Variants in FRMD4A observed in about 807,000 individuals in gnomAD.
FRMD4A encodes FERM domain containing 4A, also known as FERM domain-containing protein 4A.
Under a neutral mutation model 129.1 loss-of-function variants are expected in FRMD4A, and 29 were observed. That is an observed-to-expected ratio of 0.22 (90% CI 0.17 to 0.31). The LOEUF (loss-of-function observed/expected upper bound fraction) is 0.31, where lower values mean the gene tolerates loss of function less well. Among genes scored for constraint, FRMD4A ranks in the 10% least tolerant of loss-of-function variants. The probability of loss-of-function intolerance (pLI) is 1.00; values close to 1 mark genes in which losing one functional copy is unlikely to be tolerated. For missense variants in FRMD4A, 1,272 were observed against 1,375.8 expected (o/e 0.92, Z 1.19); for synonymous variants, 634 against 571.6 (o/e 1.11, Z -1.56).
In FRMD4A at chr10:13,685,599, C is replaced by G. The variant is rs933115673; in HGVS notation, c.1117+8299G>C. Reference sequence around the variant, plus strand: ...CTGTGCTCCCAGCAAAGGAGCACTGCAACAGAGGGCTGGCCCTAAATGGGA... The same window carrying G: ...CTGTGCTCCCAGCAAAGGAGCACTGGAACAGAGGGCTGGCCCTAAATGGGA... On this transcript the variant is annotated intron_variant, in intron 15 of 24. Coordinates refer to ENST00000357447, the MANE Select transcript of FRMD4A (RefSeq NM_018027.5). The G allele has an allele frequency of 3.1e-6, 3 of 983,162 alleles. No individual in the cohort carries two copies. The African/African-American group carries it at 5.2e-5, about 17-fold the overall frequency. 60.9% of individuals were successfully genotyped at this position (983,162 alleles called of 1,614,324 possible). A position where few individuals can be genotyped will look rare whatever the true frequency, so the allele number is the denominator to read the frequency against.
chr10:13,672,541 G>A (rs2134722034), intron 16 of FRMD4A, among the ~76,000 whole-genome samples: 1 of 152,172 alleles, frequency 6.6e-6, no homozygotes, highest in South Asian at 2.1e-4. Context: ...AAAAAATGAG[G>A]CTACTGATTT....
At chr10:13,918,267 C>G (rs2095032163) in intron 2 of FRMD4A, among the ~76,000 whole-genome samples, 1 of 152,158 alleles carries the variant, frequency 6.6e-6, no homozygotes, top group Non-Finnish European at 1.5e-5. Context: ...ACATACTAGG[C>G]TCAATACACC....
chr10:13,747,986 G>A (rs2091375860), intron 8 of FRMD4A, among the ~76,000 whole-genome samples, 167 bp from the exon 9 acceptor site: 2 of 152,190 alleles, frequency 1.3e-5, no homozygotes, highest in Admixed American at 1.3e-4. Flanking sequence ...AAATACAGAT[G>A]TAAACGAAGG....
intron 2 of FRMD4A, among the ~76,000 whole-genome samples, chr10:14,148,440 G>C (rs1187528192): frequency 6.6e-6 from 1 of 152,200 alleles, no homozygotes; most frequent in Non-Finnish European, 1.5e-5. Context: ...TAAGAATCAA[G>C]AGAAAAACCC....
chr10:13,668,755 G>T (rs551910480), intron 17 of FRMD4A, among the ~76,000 whole-genome samples: 1 of 152,136 alleles, frequency 6.6e-6, no homozygotes, highest in Non-Finnish European at 1.5e-5. Flanking sequence ...AAGCTTAAGG[G>T]CCAGGTATCT....
chr10:13,954,018 C>G (rs1342312075), intron 2 of FRMD4A, among the ~76,000 whole-genome samples: 1 of 152,220 alleles, frequency 6.6e-6, no homozygotes, highest in Non-Finnish European at 1.5e-5. Flanking sequence ...TATCCCTTCT[C>G]TACAAAAACA....
intron 2 of FRMD4A, among the ~76,000 whole-genome samples, chr10:14,169,726 A>G (rs1000439714): frequency 2.6e-5 from 4 of 152,178 alleles, no homozygotes; most frequent in Non-Finnish European, 1.5e-5. Flanking sequence ...ATATCAGCAA[A>G]CATTTCCTTG....
chr10:14,052,932 G>T (rs936561309), intron 2 of FRMD4A, among the ~76,000 whole-genome samples: 9 of 151,904 alleles, frequency 5.9e-5, no homozygotes, highest in African/African-American at 1.9e-4. Flanking sequence ...TTTACTGCAA[G>T]GAGGGTGCCA....
At chr10:14,278,043 C>G (rs1347209197) in intron 2 of FRMD4A, among the ~76,000 whole-genome samples, 1 of 152,206 alleles carries the variant, frequency 6.6e-6, no homozygotes, top group Non-Finnish European at 1.5e-5. Context: ...GCCCACCAAG[C>G]TCGCAACACA....
At chr10:14,054,874 C>T (rs12357800) in intron 2 of FRMD4A, among the ~76,000 whole-genome samples, 15,440 of 152,190 alleles carry the variant, frequency 0.1, 837 homozygotes, top group Non-Finnish European at 0.12. Context: ...CTTTTGCCTG[C>T]CACCATGTAA....
At chr10:13,975,220 T>C (rs568067993) in intron 2 of FRMD4A, among the ~76,000 whole-genome samples, 2 of 151,940 alleles carry the variant, frequency 1.3e-5, no homozygotes, top group Non-Finnish European at 2.9e-5. Flanking sequence ...TGTTAATGTG[T>C]GTGTGTATGT....
At position 13,970,644 on chromosome 10, in the gene FRMD4A, C is replaced by T. The variant is rs377561521; in HGVS notation, c.46-111732G>A. 3.9e-5 allele frequency among the ~76,000 whole-genome samples: 6 copies of T among 152,188 alleles called. No homozygotes were observed. In the East Asian group the frequency reaches 7.8e-4, roughly 20 times the overall value. Reference sequence around the variant, plus strand: ...CACCCGTGAGAGGAGGAAAAATGAGCGACACCCCCCTTCAAGAGCCAGGCC... The same window carrying T: ...CACCCGTGAGAGGAGGAAAAATGAGTGACACCCCCCTTCAAGAGCCAGGCC... On this transcript the variant is annotated intron_variant, in intron 2 of 24. Coordinates refer to ENST00000357447, the MANE Select transcript of FRMD4A (RefSeq NM_018027.5).
At chr10:13,990,785 AT>A (rs746903130) in intron 2 of FRMD4A, among the ~76,000 whole-genome samples, 69 of 152,160 alleles carry the variant, frequency 4.5e-4, no homozygotes, top group East Asian at 1.9e-3. Context: ...GGAATCTGTT[AT>A]TTCTCCCTCT....
At chr10:13,688,880 G>C (rs1319269057) in intron 15 of FRMD4A, among the ~76,000 whole-genome samples, 2 of 151,998 alleles carry the variant, frequency 1.3e-5, no homozygotes, top group African/African-American at 4.8e-5. Flanking sequence ...TACACGCCTA[G>C]CTAATTTTTA....
intron 8 of FRMD4A, among the ~76,000 whole-genome samples, chr10:13,755,085 A>G (rs573606453): frequency 2.6e-5 from 4 of 152,330 alleles, no homozygotes; most frequent in South Asian, 4.1e-4. Flanking sequence ...TCAAGTCTCC[A>G]TGTTGTAGCT....
At chr10:13,964,930 C>T (rs977347258) in intron 2 of FRMD4A, among the ~76,000 whole-genome samples, 2 of 152,010 alleles carry the variant, frequency 1.3e-5, no homozygotes, top group African/African-American at 4.8e-5. Context: ...ATGACCTGCC[C>T]GCCTCTGCCT....
chr10:14,094,421 C>T (rs191502458), intron 2 of FRMD4A, among the ~76,000 whole-genome samples: 28 of 152,280 alleles, frequency 1.8e-4, no homozygotes, highest in Non-Finnish European at 3.1e-4. Context: ...AATGATGTGC[C>T]GCTATCCTGC....
At chr10:14,313,371 A>G (rs1336089876) in intron 2 of FRMD4A, among the ~76,000 whole-genome samples, 2 of 152,180 alleles carry the variant, frequency 1.3e-5, no homozygotes, top group African/African-American at 2.4e-5. Flanking sequence ...TCAGAAATAC[A>G]TAAATAAATA....
chr10:14,265,547 T>A (rs1445398286), intron 2 of FRMD4A, among the ~76,000 whole-genome samples: 1 of 152,184 alleles, frequency 6.6e-6, no homozygotes, highest in Non-Finnish European at 1.5e-5. Flanking sequence ...TTTGTAGAGG[T>A]TAGAAACTAT....
Sources: gnomAD v4.1 joint callset for allele counts (sites outside exome capture counted in the v4.1 genomes callset) on GRCh38, gnomAD v4.1.1 for gene constraint, MANE v1.5 for transcripts, NCBI Gene and HGNC (gene_info 2026-07-23, HGNC 2026-07-21) for gene names.